The following ROBO1 variants were observed in gnomAD, a reference collection of about 807,000 sequenced individuals.
The protein encoded by ROBO1 is roundabout homolog 1.
In ROBO1, 149 loss-of-function variants were observed where a neutral mutation model predicts 195.9. The observed-to-expected ratio is 0.76, with a 90% CI of 0.67 to 0.87. The LOEUF (loss-of-function observed/expected upper bound fraction) is 0.87. ROBO1 is among the 40% of genes least tolerant of loss of function. The pLI, the probability that ROBO1 is intolerant of heterozygous loss-of-function variation, is 0.00. For missense variants in ROBO1, 1,933 were observed against 2,068.3 expected (o/e 0.93, Z 1.27); for synonymous variants, 816 against 733.2 (o/e 1.11, Z -1.82).
At chr3:79,114,514 C>G (rs1056955924) in intron 3 of ROBO1, among the ~76,000 whole-genome samples, 18 of 152,138 alleles carry the variant, frequency 1.2e-4, no homozygotes. Flanking sequence ...GCTTATCATC[C>G]TGGTCAGCTT....
intron 2 of ROBO1, among the ~76,000 whole-genome samples, chr3:79,193,377 G>A (rs140085465): frequency 0.019 from 2,913 of 151,538 alleles, 53 homozygotes; most frequent in Middle Eastern, 0.024. Flanking sequence ...TGGTCAAAAT[G>A]ACCTCATGAA....
At chr3:79,648,458 C>T (rs763086289) in intron 1 of ROBO1, among the ~76,000 whole-genome samples, 4 of 152,050 alleles carry the variant, frequency 2.6e-5, no homozygotes, top group Non-Finnish European at 5.9e-5. Flanking sequence ...TAAAAACACA[C>T]CATGAGCGTG....
At chr3:79,486,112 A>T (rs542404385) in intron 2 of ROBO1, among the ~76,000 whole-genome samples, 1 of 152,330 alleles carries the variant, frequency 6.6e-6, no homozygotes, top group Non-Finnish European at 1.5e-5. Flanking sequence ...TCTATAAAAC[A>T]AGGATAACCT....
At chr3:79,386,825 C>T (rs2036766755) in intron 2 of ROBO1, among the ~76,000 whole-genome samples, 1 of 152,024 alleles carries the variant, frequency 6.6e-6, no homozygotes, top group Non-Finnish European at 1.5e-5. Flanking sequence ...TACCCACACT[C>T]TACAGAATAT....
chr3:79,693,552 T>A (rs777828221), intron 1 of ROBO1, among the ~76,000 whole-genome samples: 7 of 151,714 alleles, frequency 4.6e-5, no homozygotes, highest in Non-Finnish European at 7.4e-5. Context: ...TCCTCCTCAG[T>A]TTCCAAGTAG....
chr3:79,444,884 C>T (rs1271740841), intron 2 of ROBO1, among the ~76,000 whole-genome samples: 1 of 151,840 alleles, frequency 6.6e-6, no homozygotes, highest in East Asian at 1.9e-4. Context: ...ATGTTATGTC[C>T]TACAACTGAT....
At chr3:78,926,624 G>T (rs2039234974) in intron 4 of ROBO1, among the ~76,000 whole-genome samples, 1 of 152,156 alleles carries the variant, frequency 6.6e-6, no homozygotes, top group Non-Finnish European at 1.5e-5. Context: ...GTACCACCAG[G>T]ACCTCCAAAT....
chr3:79,140,938 G>T, intron 2 of ROBO1, among the ~76,000 whole-genome samples: 1 of 152,142 alleles, frequency 6.6e-6, no homozygotes, highest in South Asian at 2.1e-4. Flanking sequence ...GCAGAACTTA[G>T]TTGCCTAATT....
chr3:79,474,657 T>G (rs1938455237), intron 2 of ROBO1, among the ~76,000 whole-genome samples: 1 of 152,074 alleles, frequency 6.6e-6, no homozygotes, highest in Non-Finnish European at 1.5e-5. Flanking sequence ...GGTGCTAAAC[T>G]AGATTTAGGA....
chr3:79,098,123 C>A (rs2079605404), intron 3 of ROBO1, among the ~76,000 whole-genome samples: 2 of 151,916 alleles, frequency 1.3e-5, no homozygotes, highest in South Asian at 2.1e-4. Flanking sequence ...TTCTCGTATT[C>A]TTTTGTGTCT....
At chr3:79,140,915 G>C (rs1246413105) in intron 2 of ROBO1, among the ~76,000 whole-genome samples, 1 of 152,158 alleles carries the variant, frequency 6.6e-6, no homozygotes, top group African/African-American at 2.4e-5. Flanking sequence ...CCTTATGGCA[G>C]ACTACTTGAA....
At chr3:79,200,688 T>C (rs1169285382) in intron 2 of ROBO1, among the ~76,000 whole-genome samples, 2 of 151,962 alleles carry the variant, frequency 1.3e-5, no homozygotes, top group Admixed American at 1.3e-4. Flanking sequence ...GGCCAGAGAA[T>C]GGCACGTACT....
At chr3:78,760,595 T>G (rs1009043928) in intron 4 of ROBO1, among the ~76,000 whole-genome samples, 5 of 152,174 alleles carry the variant, frequency 3.3e-5, no homozygotes, top group Non-Finnish European at 5.9e-5. Flanking sequence ...AACAGAATTT[T>G]GGGTACATTT....
At chr3:79,584,632 T>G (rs1943766390) in intron 2 of ROBO1, among the ~76,000 whole-genome samples, 1 of 143,120 alleles carries the variant, frequency 7.0e-6, no homozygotes, top group East Asian at 2.0e-4. Context: ...TGTGTGTGTG[T>G]GTGTGTATGT....
At chr3:78,963,089 T>TTATATATA (rs1560055496) in intron 3 of ROBO1, among the ~76,000 whole-genome samples, 9 of 137,446 alleles carry the variant, frequency 6.5e-5, no homozygotes, top group African/African-American at 2.7e-4. Context: ...ATCTCATACT[T>TTATATATA]GATATATATA....
intron 2 of ROBO1, among the ~76,000 whole-genome samples, chr3:79,251,310 G>A (rs2082724565): frequency 6.6e-6 from 1 of 152,130 alleles, no homozygotes. Flanking sequence ...TGTCTTATTT[G>A]CTTGCATGCA....
intron 1 of ROBO1, among the ~76,000 whole-genome samples, chr3:79,699,267 AT>A (rs1202821978): frequency 6.6e-6 from 1 of 151,324 alleles, no homozygotes; most frequent in Non-Finnish European, 1.5e-5. Flanking sequence ...AATATATGGT[AT>A]GGAATTTTTC....
chr3:79,381,355 CAAAAAA>C (rs61680946), intron 2 of ROBO1, among the ~76,000 whole-genome samples: 10 of 60,714 alleles, frequency 1.6e-4, no homozygotes, highest in South Asian at 7.3e-4. Flanking sequence ...AACTCCGTCT[CAAAAAA>C]AAAAAAAAAA....
chr3:79,237,346 G>T (rs950933595), intron 2 of ROBO1, among the ~76,000 whole-genome samples: 3 of 152,028 alleles, frequency 2.0e-5, no homozygotes, highest in Non-Finnish European at 2.9e-5. Flanking sequence ...GCCAGGCGTG[G>T]TGGCGGCGCC....
Sources: allele counts gnomAD v4.1 joint callset (sites outside exome capture counted in the v4.1 genomes callset), GRCh38; gene constraint gnomAD v4.1.1; transcripts MANE v1.5; gene names NCBI Gene and HGNC (gene_info 2026-07-23, HGNC 2026-07-21).